The following PDE10A variants were observed in gnomAD, a reference collection of about 807,000 sequenced individuals.
PDE10A encodes the protein cAMP and cAMP-inhibited cGMP 3',5'-cyclic phosphodiesterase 10A.
Under a neutral mutation model 97.7 loss-of-function variants are expected in PDE10A, and 39 were observed. The observed-to-expected ratio is 0.40, with a 90% CI of 0.31 to 0.52. The LOEUF (loss-of-function observed/expected upper bound fraction) is 0.52, where lower values mean the gene tolerates loss of function less well. Ranked by LOEUF, PDE10A falls within the 20% of genes least tolerant of loss-of-function variation. The pLI, the probability that PDE10A is intolerant of heterozygous loss-of-function variation, is 0.56. For missense variants in PDE10A, 731 were observed against 1,047.8 expected, an observed-to-expected ratio of 0.70 and a Z score of 4.17; for synonymous variants, 371 against 376.8, an observed-to-expected ratio of 0.98 and a Z score of 0.18.
At chr6:165,656,085 G>T (rs1246474473) in intron 1 of PDE10A, among the ~76,000 whole-genome samples, 1 of 151,878 alleles carries the variant, frequency 6.6e-6, no homozygotes, top group Non-Finnish European at 1.5e-5. Context: ...GCTGGTTCTT[G>T]TCTGCACCAC....
At chr6:165,867,915 C>T (rs541973703) in intron 1 of PDE10A, among the ~76,000 whole-genome samples, 3 of 152,086 alleles carry the variant, frequency 2.0e-5, no homozygotes, top group East Asian at 1.9e-4. Flanking sequence ...AAACATGTTC[C>T]TTAACGACCA....
intron 1 of PDE10A, among the ~76,000 whole-genome samples, chr6:165,871,504 C>T (rs1239579751): frequency 6.6e-6 from 1 of 152,120 alleles, no homozygotes; most frequent in African/African-American, 2.4e-5. Flanking sequence ...CTTCAAATGG[C>T]TGATTAGGTG....
At chr6:165,470,534 G>C (rs1778929081) in intron 3 of PDE10A, among the ~76,000 whole-genome samples, 1 of 152,144 alleles carries the variant, frequency 6.6e-6, no homozygotes, top group Non-Finnish European at 1.5e-5. Context: ...TACTTCACCT[G>C]ATTAAAAATT....
intron 1 of PDE10A, among the ~76,000 whole-genome samples, chr6:165,584,042 G>A (rs1007426442): frequency 2.2e-4 from 33 of 152,196 alleles, no homozygotes; most frequent in Non-Finnish European, 4.3e-4. Flanking sequence ...TACTGGCTGG[G>A]GTGATTGATC....
rs151167831 is a variant in PDE10A at position 165,807,892 on chromosome 6, G to T, written c.-615+179637C>A. Among the ~76,000 whole-genome samples, 458 of 152,270 alleles carry T rather than the reference G, an allele frequency of 3.0e-3. 3 individuals are homozygous for T. The highest frequency in any genetic ancestry group is 0.011 in the African/African-American group (437 of 41,560). Reference sequence around the variant, plus strand: ...ATATGTGTCTATAAAGCTACAATCTGTTTTCTTCTACTACAAAATCCAGTG... The same window carrying T: ...ATATGTGTCTATAAAGCTACAATCTTTTTTCTTCTACTACAAAATCCAGTG... On this transcript the variant is annotated intron_variant, in intron 1 of 19. Coordinates refer to the PDE10A transcript ENST00000366882.
intron 1 of PDE10A, among the ~76,000 whole-genome samples, chr6:165,746,000 A>G (rs1242886193): frequency 6.6e-6 from 1 of 152,192 alleles, no homozygotes; most frequent in Non-Finnish European, 1.5e-5. Context: ...TATTCTTTGT[A>G]TATTTCTGTA....
intron 1 of PDE10A, among the ~76,000 whole-genome samples, chr6:165,656,043 GTGCAGCTCTC>G (rs1251368131): frequency 1.1e-4 from 17 of 152,174 alleles, no homozygotes; most frequent in South Asian, 6.2e-4. Context: ...TGCATTCGCT[GTGCAGCTCTC>G]TTGGTATTTT....
chr6:165,969,328 G>T (rs1220529966), intron 1 of PDE10A, among the ~76,000 whole-genome samples: 2 of 152,184 alleles, frequency 1.3e-5, no homozygotes, highest in Non-Finnish European at 1.5e-5. Flanking sequence ...TGGCTCAGGT[G>T]TCACAGCCTG....
intron 1 of PDE10A, among the ~76,000 whole-genome samples, chr6:165,684,353 C>T (rs1284068028): frequency 6.6e-6 from 1 of 152,218 alleles, no homozygotes; most frequent in East Asian, 1.9e-4. Context: ...TGGATGGGCA[C>T]CATTCCAGCC....
chr6:165,821,903 T>A (rs1238063043), intron 1 of PDE10A, among the ~76,000 whole-genome samples: 1 of 39,892 alleles, frequency 2.5e-5, no homozygotes, highest in Non-Finnish European at 7.4e-5. Context: ...GGTGCCGGGT[T>A]TTTTTTTCCC....
intron 1 of PDE10A, among the ~76,000 whole-genome samples, chr6:165,818,012 G>T (rs1779467490): frequency 6.6e-6 from 1 of 152,190 alleles, no homozygotes; most frequent in East Asian, 1.9e-4. Context: ...TCACACGGTG[G>T]CATGTAGCTC....
chr6:165,723,506 C>T (rs1043816109), intron 1 of PDE10A, among the ~76,000 whole-genome samples: 8 of 152,300 alleles, frequency 5.3e-5, no homozygotes, highest in South Asian at 4.1e-4. Flanking sequence ...TTGCTCCTGA[C>T]GGCACAGGCA....
chr6:165,528,201 G>T (rs1782564004), intron 2 of PDE10A, among the ~76,000 whole-genome samples: 1 of 152,200 alleles, frequency 6.6e-6, no homozygotes, highest in South Asian at 2.1e-4. Flanking sequence ...CTCTCTGAGT[G>T]GTCAAAAACT....
Position 165,431,503 on chromosome 6 carries a change from G to A in PDE10A, c.1492-31C>T. On this transcript the variant is annotated intron_variant, in intron 7 of 21. Coordinates refer to ENST00000539869, the MANE Select transcript of PDE10A (RefSeq NM_001385079.1). ...AAAAACAAGAAATACATACCTATAA[G>A]TAATAATACATAACGTATATATATA... 3 of 1,292,408 alleles carry A rather than the reference G, an allele frequency of 2.3e-6. No individual in the cohort carries two copies. In the South Asian group the frequency reaches 3.7e-5, roughly 16 times the overall value. The allele number at this position is 1,292,408 out of a possible 1,614,324, so 80.1% of individuals were successfully genotyped here.
At chr6:165,895,208 G>A (rs1280463965) in intron 1 of PDE10A, among the ~76,000 whole-genome samples, 3 of 151,614 alleles carry the variant, frequency 2.0e-5, no homozygotes, top group Non-Finnish European at 4.4e-5. Flanking sequence ...TAGGGTCTTT[G>A]CAGATGTGAG....
At chr6:165,684,455 C>T (rs759533381) in intron 1 of PDE10A, among the ~76,000 whole-genome samples, 9 of 152,242 alleles carry the variant, frequency 5.9e-5, no homozygotes, top group Non-Finnish European at 1.2e-4. Flanking sequence ...AATGAAGCCG[C>T]CATCTCCTGG....
intron 1 of PDE10A, among the ~76,000 whole-genome samples, chr6:165,966,898 TG>T (rs1272438249): frequency 1.3e-5 from 2 of 150,754 alleles, no homozygotes; most frequent in Non-Finnish European, 3.0e-5. Flanking sequence ...AATAAATAGA[TG>T]AAAAAATCTA....
chr6:165,581,316 T>C (rs145216675), intron 1 of PDE10A, among the ~76,000 whole-genome samples: 4 of 152,302 alleles, frequency 2.6e-5, no homozygotes, highest in Admixed American at 1.3e-4. Flanking sequence ...GCAGTGGCAT[T>C]TGGAGGCAGG....
chr6:165,572,190 A>C (rs760097060), intron 1 of PDE10A, among the ~76,000 whole-genome samples: 8 of 152,202 alleles, frequency 5.3e-5, no homozygotes, highest in Non-Finnish European at 8.8e-5. Context: ...AGAAATGTGG[A>C]ATTATTATTC....
Sources: allele counts gnomAD v4.1 joint callset (sites outside exome capture counted in the v4.1 genomes callset), GRCh38; gene constraint gnomAD v4.1.1; transcripts MANE v1.5; gene names NCBI Gene and HGNC (gene_info 2026-07-23, HGNC 2026-07-21).